Variants in MACROD2 observed in about 807,000 individuals in gnomAD.
MACROD2 encodes ADP-ribose glycohydrolase MACROD2.
Under a neutral mutation model 70.4 loss-of-function variants are expected in MACROD2, and 36 were observed. The observed-to-expected ratio is 0.51, with a 90% CI of 0.39 to 0.68. The LOEUF is 0.68. MACROD2 is among the 30% of genes least tolerant of loss of function. MACROD2 has a pLI of 0.00. For synonymous variants in MACROD2, 172 were observed against 178.8 expected, an observed-to-expected ratio of 0.96 and a Z score of 0.30; for missense variants, 496 against 538.4, an observed-to-expected ratio of 0.92 and a Z score of 0.78.
At position 15,436,032 on chromosome 20, in the gene MACROD2, T is replaced by A. The variant is rs555067416; in HGVS notation, c.571+4597T>A. Among the ~76,000 whole-genome samples, 77 of 152,288 alleles carry A rather than the reference T, an allele frequency of 5.1e-4. No homozygotes were observed. The Middle Eastern group carries it at 0.01, about 20-fold the overall frequency. ...ATATACACAAAGGTCGCATGCCATATTGCTTTTGGTTAGTCCCCCTGGGGT... is the reference window on the plus strand; with the variant it reads ...ATATACACAAAGGTCGCATGCCATAATGCTTTTGGTTAGTCCCCCTGGGGT... On this transcript the variant is annotated intron_variant, in intron 7 of 17. Transcript: ENST00000684519.
chr20:15,835,303 A>G (rs1267865031), intron 8 of MACROD2, among the ~76,000 whole-genome samples: 1 of 152,172 alleles, frequency 6.6e-6, no homozygotes, highest in Non-Finnish European at 1.5e-5. Flanking sequence ...TTGGCAATAC[A>G]TAATTAATAC....
chr20:15,267,890 C>T lies in MACROD2; in HGVS notation c.540+37829C>T, dbSNP rs1049010881. Among the ~76,000 whole-genome samples, 8 of 152,160 alleles carry T rather than the reference C, an allele frequency of 5.3e-5. 1 individual carries two copies. Among genetic ancestry groups the T allele is most frequent in the Admixed American group, 5.2e-4 (8 of 15,278 alleles). ...GGGGCCTGTGAACAGGAATCTTTCT[C>T]GCTTTGCTGAGAGTTTTGTTTGTTT... On this transcript the variant is annotated intron_variant, in intron 6 of 17. Transcript: ENST00000684519.
chr20:15,157,315 A>G (rs2076313668), intron 5 of MACROD2, among the ~76,000 whole-genome samples: 1 of 148,046 alleles, frequency 6.8e-6, no homozygotes, highest in Non-Finnish European at 1.5e-5. Flanking sequence ...CATGAGGGTC[A>G]TGCTTTCATG....
intron 10 of MACROD2, among the ~76,000 whole-genome samples, chr20:15,917,963 C>T (rs1246463383): frequency 6.6e-6 from 1 of 152,174 alleles, no homozygotes; most frequent in Non-Finnish European, 1.5e-5. Flanking sequence ...ATGCCCAAAC[C>T]TGTAGTACTG....
chr20:15,557,814 A>G (rs1228435486), intron 8 of MACROD2, among the ~76,000 whole-genome samples: 1 of 152,164 alleles, frequency 6.6e-6, no homozygotes, highest in Non-Finnish European at 1.5e-5. Context: ...TGTTTGTCTT[A>G]CTGAACTCCA....
At chr20:14,190,669 A>G (rs2081376901) in intron 3 of MACROD2, among the ~76,000 whole-genome samples, 1 of 97,552 alleles carries the variant, frequency 1.0e-5, no homozygotes, top group Non-Finnish European at 2.0e-5. Flanking sequence ...AAAAGTATTC[A>G]TTCCATATAT....
At chr20:14,069,901 C>T (rs1051196759) in intron 2 of MACROD2, among the ~76,000 whole-genome samples, 6 of 151,718 alleles carry the variant, frequency 4.0e-5, no homozygotes, top group South Asian at 2.1e-4. Context: ...TCGCTTATCA[C>T]GCAAAGCCCT....
At chr20:15,547,587 G>T (rs1294536359) in intron 8 of MACROD2, among the ~76,000 whole-genome samples, 3 of 152,158 alleles carry the variant, frequency 2.0e-5, no homozygotes, top group East Asian at 1.9e-4. Context: ...TCTCAGTCTG[G>T]TTCTGTATCC....
At chr20:15,781,142 A>G (rs1054811105) in intron 8 of MACROD2, among the ~76,000 whole-genome samples, 2 of 152,210 alleles carry the variant, frequency 1.3e-5, no homozygotes, top group African/African-American at 4.8e-5. Context: ...AAAACTCTAT[A>G]GGAGAAATTC....
rs1477245953 is a variant in MACROD2 at position 15,814,350 on chromosome 20, C to A, written c.646-48395C>A. Among the ~76,000 whole-genome samples, 6 of 152,298 alleles carry A rather than the reference C, an allele frequency of 3.9e-5. No homozygotes were observed. In the East Asian group the frequency reaches 1.2e-3, roughly 29 times the overall value. ...AATTAACATCCCTTAAAACCTTTCC[C>A]TCAATCAGTGATTCTCTAGTGTATC... On this transcript the variant is annotated intron_variant, in intron 8 of 17. Transcript: ENST00000684519.
chr20:15,802,814 A>C (rs1568569883), intron 8 of MACROD2, among the ~76,000 whole-genome samples: 1 of 152,138 alleles, frequency 6.6e-6, no homozygotes, highest in South Asian at 2.1e-4. Flanking sequence ...AATAAATCAC[A>C]TAAGAAATGA....
intron 5 of MACROD2, among the ~76,000 whole-genome samples, chr20:15,166,483 A>G (rs1465946442): frequency 6.6e-6 from 1 of 152,176 alleles, no homozygotes; most frequent in Non-Finnish European, 1.5e-5. Context: ...GAAGAATGTA[A>G]AAAATAAATT....
intron 3 of MACROD2, among the ~76,000 whole-genome samples, chr20:14,435,455 C>G (rs1005047901): frequency 1.2e-4 from 18 of 152,118 alleles, no homozygotes; most frequent in Non-Finnish European, 5.9e-5. Context: ...ACTGTGATAA[C>G]GATCCCAGTG....
chr20:15,689,423 G>C (rs1020005475), intron 8 of MACROD2, among the ~76,000 whole-genome samples: 1 of 152,130 alleles, frequency 6.6e-6, no homozygotes, highest in Non-Finnish European at 1.5e-5. Context: ...CATAAGATCT[G>C]TGGGGGGAAA....
intron 6 of MACROD2, among the ~76,000 whole-genome samples, chr20:15,231,629 A>C (rs1044648020): frequency 6.6e-6 from 1 of 152,044 alleles, no homozygotes; most frequent in Non-Finnish European, 1.5e-5. Context: ...ATAACATTCA[A>C]CCTTTTAATA....
chr20:15,489,361 C>T (rs1033832770), intron 7 of MACROD2, among the ~76,000 whole-genome samples: 2 of 152,124 alleles, frequency 1.3e-5, no homozygotes, highest in Non-Finnish European at 2.9e-5. Context: ...AGGGGTAAGA[C>T]AGGACCATGG....
intron 4 of MACROD2, among the ~76,000 whole-genome samples, chr20:14,561,596 C>T (rs1979437875): frequency 6.6e-6 from 1 of 151,616 alleles, no homozygotes; most frequent in Non-Finnish European, 1.5e-5. Context: ...CTTTTTATTT[C>T]CTTTTCTAAT....
At chr20:15,822,792 C>T (rs56799943) in intron 8 of MACROD2, among the ~76,000 whole-genome samples, 21,974 of 151,984 alleles carry the variant, frequency 0.14, 1,642 homozygotes, top group Middle Eastern at 0.31. Flanking sequence ...ATTTTAGAGA[C>T]TAGGAAAGGA....
chr20:15,858,136 G>T (rs1019757550), intron 8 of MACROD2, among the ~76,000 whole-genome samples: 2 of 151,672 alleles, frequency 1.3e-5, no homozygotes, highest in Admixed American at 1.3e-4. Context: ...AAAATCACTC[G>T]ATTCCTGGAC....
Sources: gnomAD v4.1 joint callset for allele counts (sites outside exome capture counted in the v4.1 genomes callset) on GRCh38, gnomAD v4.1.1 for gene constraint, MANE v1.5 for transcripts, NCBI Gene and HGNC (gene_info 2026-07-23, HGNC 2026-07-21) for gene names.